The following SLC26A8 variants were observed in gnomAD, a reference collection of about 807,000 sequenced individuals.
The protein encoded by SLC26A8 is testis anion transporter 1.
SLC26A8 carries 70 observed loss-of-function variants against 105.0 expected under a neutral mutation model. The ratio of observed to expected loss-of-function variants is 0.67; its 90% CI spans 0.55 to 0.81. The LOEUF is 0.81. Ranked by LOEUF, SLC26A8 falls within the 40% of genes least tolerant of loss-of-function variation. The pLI is 0.00. For missense variants in SLC26A8, 998 were observed against 1,181.8 expected (o/e 0.84, Z 2.28); for synonymous variants, 415 against 438.3 (o/e 0.95, Z 0.66).
chr6:35,949,637 AAAC>A (rs537337796), intron 19 of SLC26A8, among the ~76,000 whole-genome samples: 410 of 152,260 alleles, frequency 2.7e-3, no homozygotes, highest in African/African-American at 9.4e-3. Flanking sequence ...AAATATGTAA[AAAC>A]AAATATATCG....
chr6:36,015,798 G>T (rs1361845900), intron 2 of SLC26A8, among the ~76,000 whole-genome samples: 1 of 148,218 alleles, frequency 6.7e-6, no homozygotes, highest in African/African-American at 2.5e-5. Flanking sequence ...AAAGGAGAAT[G>T]TCTCAAGGAG....
At chr6:35,980,274 G>T (rs1217926978) in intron 8 of SLC26A8, among the ~76,000 whole-genome samples, 1 of 152,052 alleles carries the variant, frequency 6.6e-6, no homozygotes, top group East Asian at 1.9e-4. Context: ...TGCCCAGCCT[G>T]GCTGTGTGGT....
intron 19 of SLC26A8, among the ~76,000 whole-genome samples, chr6:35,947,528 A>T (rs746760307): frequency 6.6e-6 from 1 of 152,242 alleles, no homozygotes; most frequent in Non-Finnish European, 1.5e-5. Context: ...AACCCAAAGG[A>T]ATTAACAGTG....
chr6:35,953,538 C>T (rs1376834523), intron 17 of SLC26A8, among the ~76,000 whole-genome samples: 2 of 152,142 alleles, frequency 1.3e-5, no homozygotes, highest in African/African-American at 2.4e-5. Context: ...CACTCAGCAA[C>T]GTGGGCTGAA....
At chr6:35,991,205 G>A (rs150516134) in intron 7 of SLC26A8, among the ~76,000 whole-genome samples, 17,608 of 151,504 alleles carry the variant, frequency 0.12, 1,059 homozygotes, top group Middle Eastern at 0.15. Context: ...GTTTGCGACC[G>A]GCCTGGCCAA....
chr6:35,955,131 C>A (rs1375404447), intron 17 of SLC26A8, 21 bp downstream of exon 17: 6 of 1,613,726 alleles, frequency 3.7e-6, no homozygotes, highest in Non-Finnish European at 5.1e-6. Flanking sequence ...GAGCTCCTGC[C>A]AAGGCCTCCT....
chr6:36,014,486 G>T (rs888017394), intron 2 of SLC26A8, among the ~76,000 whole-genome samples: 8 of 152,160 alleles, frequency 5.3e-5, no homozygotes, highest in South Asian at 4.1e-4. Flanking sequence ...TAAGAGGGGG[G>T]ATTTGCAGTT....
chr6:36,011,649 C>T (rs1470384149), intron 3 of SLC26A8, among the ~76,000 whole-genome samples: 1 of 152,024 alleles, frequency 6.6e-6, no homozygotes, highest in African/African-American at 2.4e-5. Context: ...GCTTTGTTGC[C>T]CAGGCTGGAG....
rs796233805 is a variant in SLC26A8, at chr6:35,982,987, G to A, written c.943-784C>T. Among the ~76,000 whole-genome samples the A allele has an allele frequency of 3.5e-4, 53 of 152,314 alleles. 2 individuals are homozygous for A. The highest frequency in any genetic ancestry group is 1.2e-3 in the African/African-American group (49 of 41,578). On this transcript the variant is annotated intron_variant, in intron 7 of 19. Transcript: ENST00000490799. ...AGCTGTTATAGCTTATAAAGACTGCGTCAATGCAGATTAAACCAGAGACAA... is the reference window on the plus strand; with the variant it reads ...AGCTGTTATAGCTTATAAAGACTGCATCAATGCAGATTAAACCAGAGACAA...
At position 35,951,288 on chromosome 6, in the gene SLC26A8, G is replaced by A; in HGVS notation, c.2347C>T (p.Gln783Ter). 3.7e-6 allele frequency: 6 copies of A among 1,614,092 alleles called. No homozygotes were observed. The highest frequency in any genetic ancestry group is 5.1e-6 in the Non-Finnish European group (6 of 1,180,042). ...GCGTCGTGAACGCTGAGGAACAGCT[G>A]GGTCTTGGTGATGCCAGCGTCAAAG... ...DFFDAGITKT[Q>*]LFLSVHDAVL... Residue 783 changes from glutamine (Q) to a stop codon, truncating the protein, a stop_gained, in exon 19 of 20, where the codon CAG becomes TAG. Coordinates refer to ENST00000490799, the MANE Select transcript of SLC26A8 (RefSeq NM_052961.4). LOFTEE classifies it high-confidence loss of function.
intron 2 of SLC26A8, among the ~76,000 whole-genome samples, chr6:36,015,956 A>G (rs543397849): frequency 6.6e-6 from 1 of 152,240 alleles, no homozygotes; most frequent in South Asian, 2.1e-4. Flanking sequence ...TTGAGTAATT[A>G]AGATTACTAT....
rs759994640 is a variant in SLC26A8 at position 35,982,166 on chromosome 6, A to G, written c.980T>C (p.Met327Thr). 1.9e-6 allele frequency: 3 copies of G among 1,614,184 alleles called. No individual in the cohort carries two copies. Among genetic ancestry groups the G allele is most frequent in the Admixed American group, 3.3e-5 (2 of 60,018 alleles). ...GFTVIANKIS[M>T]ATETSQTLID... ...AAGCGTCTGGCTGGTTTCTGTGGCC[A>G]TGCTTATCTTGTTTGCAATCACAGT... The change falls in exon 8 of 20, where the codon ATG (methionine) becomes ACG (threonine). Residue 327 changes from methionine to threonine, a missense_variant. Transcript: ENST00000490799.
intron 5 of SLC26A8, among the ~76,000 whole-genome samples, chr6:35,995,781 G>A (rs890961281): frequency 1.3e-5 from 2 of 151,952 alleles, no homozygotes; most frequent in African/African-American, 4.8e-5. Flanking sequence ...AAAGTGCTGG[G>A]ATTACAGATG....
chr6:36,021,999 G>C (rs1330816167), intron 1 of SLC26A8, among the ~76,000 whole-genome samples: 1 of 150,106 alleles, frequency 6.7e-6, no homozygotes, highest in East Asian at 2.0e-4. Flanking sequence ...ATGGAGTACA[G>C]CTCTGTCACC....
chr6:36,019,757 A>G (rs1221140242), intron 1 of SLC26A8, 48 bp from the exon 2 acceptor site: 4 of 1,498,794 alleles, frequency 2.7e-6, no homozygotes, highest in Non-Finnish European at 3.6e-6. Flanking sequence ...TCAGTAATCC[A>G]GATCCTCGGC....
chr6:36,001,114 A>G (rs1253680307), intron 3 of SLC26A8, among the ~76,000 whole-genome samples: 1 of 151,562 alleles, frequency 6.6e-6, no homozygotes, highest in Admixed American at 6.6e-5. Flanking sequence ...ATGATCCACA[A>G]TGGCCAGTTG....
rs1429695174 is a variant in SLC26A8 at position 35,974,955 on chromosome 6, AC to A, written c.1287+419del. On this transcript the variant is annotated intron_variant, in intron 10 of 19. Transcript: ENST00000490799. ...GTATTTCTAGTAGAGATGGGGTTTT[AC>A]CATGTTAGCCAGGCTGGTCTCAAAC... is the stretch of plus-strand genomic sequence containing the variant. Among the ~76,000 whole-genome samples, 3 of 141,952 alleles carry A rather than the reference AC, an allele frequency of 2.1e-5. No individual in the cohort carries two copies. In the East Asian group the frequency reaches 6.2e-4, roughly 29 times the overall value. The allele number at this position is 141,952 out of a possible 152,430, so 93.1% of individuals were successfully genotyped here.
Position 35,955,196 on chromosome 6 carries a change from T to C in SLC26A8, c.2188A>G (p.Met730Val), listed in dbSNP as rs1398519326. ...CCCCGTGAATCCACGTAGTGTACCATGGAGAAATCCAGGATGATGGTGTGG... is the reference window on the plus strand; with the variant it reads ...CCCCGTGAATCCACGTAGTGTACCACGGAGAAATCCAGGATGATGGTGTGG... ...SVHTIILDFS[M>V]VHYVDSRGLV... Residue 730 changes from methionine (M) to valine (V), a missense_variant, in exon 17 of 20, where the codon ATG becomes GTG. Transcript: ENST00000490799. The C allele has an allele frequency of 4.3e-6, 7 of 1,614,014 alleles. No homozygotes were observed. In the East Asian group the frequency reaches 1.3e-4, roughly 31 times the overall value.
intron 7 of SLC26A8, among the ~76,000 whole-genome samples, chr6:35,988,770 A>ATATTTATATATT (rs1387129685): frequency 1.3e-5 from 2 of 151,782 alleles, no homozygotes; most frequent in Non-Finnish European, 2.9e-5. Context: ...TTTGTTATAT[A>ATATTTATATATT]TATTTATTTT....
Sources: allele counts gnomAD v4.1 joint callset (sites outside exome capture counted in the v4.1 genomes callset), GRCh38; gene constraint gnomAD v4.1.1; transcripts MANE v1.5; gene names NCBI Gene and HGNC (gene_info 2026-07-23, HGNC 2026-07-21).